The following SLC24A2 variants were observed in gnomAD, a reference collection of about 807,000 sequenced individuals.
SLC24A2 encodes the protein solute carrier family 24 member 2.
In SLC24A2, 36 loss-of-function variants were observed where a neutral mutation model predicts 62.0. That is an observed-to-expected ratio of 0.58 (90% CI 0.44 to 0.77). The LOEUF (loss-of-function observed/expected upper bound fraction) is 0.77. Ranked by LOEUF, SLC24A2 falls within the 30% of genes least tolerant of loss-of-function variation. SLC24A2 has a pLI of 0.00. For synonymous variants in SLC24A2, 358 were observed against 294.0 expected (o/e 1.22, Z -2.23); for missense variants, 846 against 817.9 (o/e 1.03, Z -0.42).
At chr9:19,726,671 T>C (rs1021556370) in intron 2 of SLC24A2, among the ~76,000 whole-genome samples, 2 of 152,208 alleles carry the variant, frequency 1.3e-5, no homozygotes, top group Admixed American at 1.3e-4. Flanking sequence ...CCTCTACTTG[T>C]CATGCATATG....
chr9:20,148,323 T>G, the SLC24A2 span, among the ~76,000 whole-genome samples: 1 of 151,954 alleles, frequency 6.6e-6, no homozygotes, highest in South Asian at 2.1e-4. Context: ...TAAAACTAAG[T>G]GAAAAAAGAA....
intron 8 of SLC24A2, among the ~76,000 whole-genome samples, chr9:19,535,726 A>G (rs1833931139): frequency 6.6e-6 from 1 of 152,132 alleles, no homozygotes; most frequent in Admixed American, 6.5e-5. Context: ...CTGTTGTGGT[A>G]CCAGTACCAT....
the SLC24A2 span, among the ~76,000 whole-genome samples, chr9:19,814,926 T>G: frequency 6.6e-6 from 1 of 152,192 alleles, no homozygotes; most frequent in African/African-American, 2.4e-5. Context: ...AAAACAGTTT[T>G]CTCCTTATGT....
At chr9:19,770,232 T>A (rs1312021380) in intron 2 of SLC24A2, among the ~76,000 whole-genome samples, 1 of 151,930 alleles carries the variant, frequency 6.6e-6, no homozygotes, top group Non-Finnish European at 1.5e-5. Context: ...TCTTCTGGCA[T>A]CTATTTGGCC....
At chr9:20,119,968 A>G in the SLC24A2 span, among the ~76,000 whole-genome samples, 1 of 152,128 alleles carries the variant, frequency 6.6e-6, no homozygotes, top group Non-Finnish European at 1.5e-5. Flanking sequence ...AGTGTGACAC[A>G]AGTCTCACTG....
chr9:20,002,557 A>C, the SLC24A2 span, among the ~76,000 whole-genome samples: 1 of 152,140 alleles, frequency 6.6e-6, no homozygotes, highest in Admixed American at 6.6e-5. Flanking sequence ...ACTGAAGATA[A>C]CATACTTCAA....
At chr9:20,170,359 C>G in the SLC24A2 span, among the ~76,000 whole-genome samples, 1 of 151,986 alleles carries the variant, frequency 6.6e-6, no homozygotes, top group African/African-American at 2.4e-5. Flanking sequence ...GCACAGAGAG[C>G]AAAGGAGACC....
At chr9:20,044,187 A>G in the SLC24A2 span, among the ~76,000 whole-genome samples, 1 of 152,148 alleles carries the variant, frequency 6.6e-6, no homozygotes, top group Non-Finnish European at 1.5e-5. Context: ...TTTATACATA[A>G]TGGTATTCCA....
chr9:19,583,978 C>G (rs900387337), intron 5 of SLC24A2, among the ~76,000 whole-genome samples: 3 of 152,156 alleles, frequency 2.0e-5, no homozygotes, highest in Non-Finnish European at 4.4e-5. Context: ...GCACACACCC[C>G]TCTTTTCGAA....
intron 4 of SLC24A2, among the ~76,000 whole-genome samples, chr9:19,611,594 G>A (rs997864003): frequency 6.6e-6 from 1 of 152,086 alleles, no homozygotes; most frequent in African/African-American, 2.4e-5. Context: ...GGTGTGATCT[G>A]ACTTACATTT....
At chr9:20,019,164 AGACAG>A in the SLC24A2 span, among the ~76,000 whole-genome samples, 1 of 144,808 alleles carries the variant, frequency 6.9e-6, no homozygotes, top group African/African-American at 2.6e-5. Flanking sequence ...AAAGAGAGAG[AGACAG>A]AAAGAAAGAA....
At chr9:19,762,218 A>G (rs1378188311) in intron 2 of SLC24A2, among the ~76,000 whole-genome samples, 2 of 152,206 alleles carry the variant, frequency 1.3e-5, no homozygotes, top group African/African-American at 2.4e-5. Flanking sequence ...GCCCTTTGTC[A>G]GATTAATAGA....
chr9:20,163,447 G>T, the SLC24A2 span, among the ~76,000 whole-genome samples: 1 of 152,034 alleles, frequency 6.6e-6, no homozygotes, highest in Admixed American at 6.6e-5. Flanking sequence ...CCTCTTCAAG[G>T]AGAACTACAA....
At chr9:19,692,545 G>A (rs1488926850) in intron 2 of SLC24A2, among the ~76,000 whole-genome samples, 6 of 151,974 alleles carry the variant, frequency 3.9e-5, no homozygotes, top group African/African-American at 1.4e-4. Flanking sequence ...CATGAAACAC[G>A]GCCTTCTCTT....
chr9:19,597,630 C>A (rs1218558395), intron 4 of SLC24A2, among the ~76,000 whole-genome samples: 1 of 152,168 alleles, frequency 6.6e-6, no homozygotes, highest in Non-Finnish European at 1.5e-5. Flanking sequence ...GAGAAAGGGA[C>A]TGAACAAGGA....
At chr9:20,303,031 G>C in the SLC24A2 span, among the ~76,000 whole-genome samples, 1 of 151,960 alleles carries the variant, frequency 6.6e-6, no homozygotes, top group Admixed American at 6.6e-5. Flanking sequence ...ATCCCCAAAA[G>C]TACCACTTTA....
the SLC24A2 span, among the ~76,000 whole-genome samples, chr9:20,186,261 G>C: frequency 1.9e-4 from 29 of 152,252 alleles, no homozygotes; most frequent in Non-Finnish European, 2.8e-4. Context: ...ATTCAAAGAA[G>C]TAGATTTTTG....
intron 2 of SLC24A2, among the ~76,000 whole-genome samples, chr9:19,784,322 T>C (rs932464778): frequency 3.0e-4 from 46 of 152,326 alleles, no homozygotes; most frequent in African/African-American, 1.0e-3. Flanking sequence ...ACATATACCA[T>C]TGGATTGCTC....
the SLC24A2 span, among the ~76,000 whole-genome samples, chr9:20,285,526 G>C: frequency 6.6e-6 from 1 of 152,178 alleles, no homozygotes; most frequent in African/African-American, 2.4e-5. Context: ...TCTTCTACTT[G>C]AGGGAGGGAC....
Sources: gnomAD v4.1 joint callset for allele counts (sites outside exome capture counted in the v4.1 genomes callset) on GRCh38, gnomAD v4.1.1 for gene constraint, MANE v1.5 for transcripts, NCBI Gene and HGNC (gene_info 2026-07-23, HGNC 2026-07-21) for gene names.